The following NEK6 variants were observed in gnomAD, a reference collection of about 807,000 sequenced individuals.
NEK6 encodes the protein serine/threonine-protein kinase Nek6.
NEK6 carries 27 observed loss-of-function variants against 43.5 expected under a neutral mutation model. The ratio of observed to expected loss-of-function variants is 0.62; its 90% CI spans 0.46 to 0.86. The LOEUF (loss-of-function observed/expected upper bound fraction) is 0.86, where lower values mean the gene tolerates loss of function less well. NEK6 is among the 40% of genes least tolerant of loss of function. The pLI is 0.00. For missense variants in NEK6, 318 were observed against 414.4 expected (o/e 0.77, Z 2.02); for synonymous variants, 167 against 164.1 (o/e 1.02, Z -0.14).
At chr9:124,290,189 C>A (rs972504974) in intron 1 of NEK6, among the ~76,000 whole-genome samples, 37 of 152,352 alleles carry the variant, frequency 2.4e-4, no homozygotes, top group African/African-American at 8.7e-4. Flanking sequence ...TGGGGGCTCA[C>A]GGTGACTCTC....
chr9:124,293,577 A>G (rs1832530011), intron 1 of NEK6, among the ~76,000 whole-genome samples: 1 of 152,144 alleles, frequency 6.6e-6, no homozygotes, highest in Non-Finnish European at 1.5e-5. Flanking sequence ...GGCCCTGGGA[A>G]CCCTGCAGTG....
intron 8 of NEK6, among the ~76,000 whole-genome samples, chr9:124,345,307 C>A (rs1489220016): frequency 6.6e-6 from 1 of 152,234 alleles, no homozygotes; most frequent in Non-Finnish European, 1.5e-5. Flanking sequence ...CAGCCCAGAG[C>A]TTTCTTCACA....
At chr9:124,259,457 C>G (rs565963724) in intron 1 of NEK6, 1 of 152,068 alleles carries the variant, frequency 6.6e-6, no homozygotes, top group Non-Finnish European at 1.5e-5. Flanking sequence ...TTGAGCTTAC[C>G]GAATGAACTT....
chr9:124,257,706 C>T, upstream of NEK6: 6 of 1,533,288 alleles, frequency 3.9e-6, no homozygotes, highest in Non-Finnish European at 5.2e-6. Context: ...GATGGGGAGA[C>T]GCCGGCCTGC....
At chr9:124,293,830 A>T (rs968555454) in intron 1 of NEK6, among the ~76,000 whole-genome samples, 1 of 152,256 alleles carries the variant, frequency 6.6e-6, no homozygotes, top group Non-Finnish European at 1.5e-5. Context: ...AGGCTGGCAG[A>T]GGAGGCAGAC....
chr9:124,268,338 G>A (rs1831303300), intron 1 of NEK6, among the ~76,000 whole-genome samples: 1 of 152,178 alleles, frequency 6.6e-6, no homozygotes. Context: ...ATCCAGCACT[G>A]TTTGCTGATG....
chr9:124,346,835 C>G (rs536290603), intron 8 of NEK6, among the ~76,000 whole-genome samples: 4 of 152,218 alleles, frequency 2.6e-5, no homozygotes, highest in Non-Finnish European at 5.9e-5. Flanking sequence ...TTCGCTCCCC[C>G]GTGGCTGTGG....
chr9:124,319,101 C>T (rs936260177), intron 4 of NEK6, among the ~76,000 whole-genome samples: 1 of 152,316 alleles, frequency 6.6e-6, no homozygotes, highest in African/African-American at 2.4e-5. Context: ...TCTCCTGCCC[C>T]AACCTCTCGA....
In NEK6 at chr9:124,324,284, C is replaced by T. The variant is rs1834223885; in HGVS notation, c.406-2046C>T. Among the ~76,000 whole-genome samples, 1 of 152,208 alleles carries T rather than the reference C, an allele frequency of 6.6e-6. No individual in the cohort carries two copies. The highest frequency in any genetic ancestry group is 1.5e-5 in the Non-Finnish European group (1 of 68,040). On this transcript the variant is annotated intron_variant, in intron 5 of 9. Transcript: ENST00000320246. The surrounding 1 kb of genome is among the most constrained non-coding windows in gnomAD (Gnocchi z 5.3). Reference sequence around the variant, plus strand: ...CCTGGTTCTGCCTGCTCTCAGGCCACCTCTGGGTTTCCAGAGGAACAGGGG... The same window carrying T: ...CCTGGTTCTGCCTGCTCTCAGGCCATCTCTGGGTTTCCAGAGGAACAGGGG...
rs1302575918 is a variant in NEK6, at chr9:124,343,049, T to C, written c.717+3384T>C. On this transcript the variant is annotated intron_variant, in intron 8 of 9. Coordinates refer to ENST00000320246, the MANE Select transcript of NEK6 (RefSeq NM_014397.6). The surrounding 1 kb of genome is among the most constrained non-coding windows in gnomAD (Gnocchi z 5.1). ...CCATCCTGTGCCAGGCCTCACTGAA[T>C]TCTGGCTCGGGCAGTCCTCCTCCGA... 2.0e-5 allele frequency among the ~76,000 whole-genome samples: 3 copies of C among 152,142 alleles called. No homozygotes were observed. Among genetic ancestry groups the C allele is most frequent in the Non-Finnish European group, 4.4e-5 (3 of 68,004 alleles).
At chr9:124,307,680 C>T (rs1166471788) in intron 2 of NEK6, among the ~76,000 whole-genome samples, 4 of 152,212 alleles carry the variant, frequency 2.6e-5, no homozygotes, top group Non-Finnish European at 5.9e-5. Flanking sequence ...CAGAGGTGGC[C>T]TCCTATGGTG....
chr9:124,348,272 T>C (rs575050163), intron 9 of NEK6, among the ~76,000 whole-genome samples: 5 of 152,260 alleles, frequency 3.3e-5, no homozygotes, highest in African/African-American at 1.2e-4. Context: ...GTTTCCTCCT[T>C]ATATAACAGA....
intron 1 of NEK6, among the ~76,000 whole-genome samples, chr9:124,301,173 C>T (rs1320892829): frequency 2.6e-5 from 4 of 152,200 alleles, no homozygotes; most frequent in African/African-American, 9.7e-5. Flanking sequence ...GCCCCAGAAG[C>T]ACTTGTCTGA....
At chr9:124,273,220 C>T (rs1014259921) in intron 1 of NEK6, among the ~76,000 whole-genome samples, 7 of 152,152 alleles carry the variant, frequency 4.6e-5, no homozygotes, top group East Asian at 1.9e-4. Context: ...CACACAGCCC[C>T]GGGCGGCCTT....
At chr9:124,292,581 C>T in intron 1 of NEK6, 6 of 1,536,242 alleles carry the variant, frequency 3.9e-6, no homozygotes, top group Non-Finnish European at 5.2e-6. Flanking sequence ...GCCCCCGGGG[C>T]TGTTCCACTT....
At chr9:124,320,941 T>A (rs60532739) in intron 4 of NEK6, among the ~76,000 whole-genome samples, 14,884 of 151,944 alleles carry the variant, frequency 0.098, 890 homozygotes, top group African/African-American at 0.16. Context: ...AAAAATATTT[T>A]AAAAAAAATG....
chr9:124,305,639 C>A (rs2130818608), intron 2 of NEK6, among the ~76,000 whole-genome samples: 1 of 151,196 alleles, frequency 6.6e-6, no homozygotes, highest in South Asian at 2.1e-4. Context: ...GGGTTTTTTT[C>A]CTGCCATGGG....
chr9:124,286,117 T>C (rs1832148050), intron 1 of NEK6, among the ~76,000 whole-genome samples: 1 of 152,198 alleles, frequency 6.6e-6, no homozygotes, highest in African/African-American at 2.4e-5. Flanking sequence ...CACTGCCTTT[T>C]GCAGAGGAAA....
chr9:124,344,121 C>T (rs556486014), intron 8 of NEK6, among the ~76,000 whole-genome samples: 4 of 152,142 alleles, frequency 2.6e-5, no homozygotes, highest in South Asian at 2.1e-4. Context: ...CTCTGGTGTG[C>T]GTCAGCCTGG....
Sources: allele counts gnomAD v4.1 joint callset (sites outside exome capture counted in the v4.1 genomes callset), GRCh38; gene constraint gnomAD v4.1.1; non-coding constraint Gnocchi (gnomAD v3.1); transcripts MANE v1.5; gene names NCBI Gene and HGNC (gene_info 2026-07-23, HGNC 2026-07-21).